Variants in STXBP5 observed in about 807,000 individuals in gnomAD.
The protein encoded by STXBP5 is syntaxin-binding protein 5.
Under a neutral mutation model 152.4 loss-of-function variants are expected in STXBP5, and 50 were observed. The ratio of observed to expected loss-of-function variants is 0.33; its 90% CI spans 0.26 to 0.42. The LOEUF is 0.42. STXBP5 is among the 10% of genes least tolerant of loss of function. STXBP5 has a pLI of 1.00. For synonymous variants in STXBP5, 492 were observed against 494.7 expected, an observed-to-expected ratio of 0.99 and a Z score of 0.07; for missense variants, 1,167 against 1,388.6, an observed-to-expected ratio of 0.84 and a Z score of 2.54.
At chr6:147,280,078 T>TA (rs1582883671) in intron 8 of STXBP5, among the ~76,000 whole-genome samples, 1 of 151,910 alleles carries the variant, frequency 6.6e-6, no homozygotes, top group East Asian at 1.9e-4. Flanking sequence ...TTTTTTTTTT[T>TA]AATAAGGACA....
intron 18 of STXBP5, among the ~76,000 whole-genome samples, chr6:147,328,333 C>G (rs934782443): frequency 6.6e-6 from 1 of 152,204 alleles, no homozygotes; most frequent in Non-Finnish European, 1.5e-5. Context: ...TTGAGGCATA[C>G]TTAACTCATT....
chr6:147,291,381 T>A (rs1231740684), intron 9 of STXBP5, among the ~76,000 whole-genome samples: 1 of 152,180 alleles, frequency 6.6e-6, no homozygotes, highest in African/African-American at 2.4e-5. Context: ...GTTTTACACA[T>A]TATCTTGGAA....
chr6:147,204,796 T>TAATAAC lies in STXBP5; in HGVS notation c.150+115_150+120dup. ...GGGAAGAGAACGCCAATAATAATAA[T>TAATAAC]AATAACTCTAATAAAAGGCTCGCTC... is the stretch of plus-strand genomic sequence containing the variant. On this transcript the variant is annotated intron_variant, in intron 1 of 27. Transcript: ENST00000321680. This position sits in a 1 kb window ranked among gnomAD's most constrained non-coding sequence, Gnocchi z 4.3. 1 of 1,162,512 alleles carries TAATAAC rather than the reference T, an allele frequency of 8.6e-7. No homozygotes were observed. The highest frequency in any genetic ancestry group is 1.2e-6 in the Non-Finnish European group (1 of 857,510). The allele number at this position is 1,162,512 out of a possible 1,614,324, so 72.0% of individuals were successfully genotyped here.
At position 147,283,107 on chromosome 6, in the gene STXBP5, C is replaced by G. The variant is rs182881325; in HGVS notation, c.838+4903C>G. Among the ~76,000 whole-genome samples the G allele has an allele frequency of 9.3e-4, 142 of 152,222 alleles. 1 individual carries two copies. Among genetic ancestry groups the G allele is most frequent in the African/African-American group, 3.4e-3 (141 of 41,526 alleles). On this transcript the variant is annotated intron_variant, in intron 8 of 27. Transcript: ENST00000321680. The stretch of plus-strand genomic sequence containing the variant: ...CAAGCTTGTGCTAGACAGTCAAAAC[C>G]CATAGATTTTTATTATAGGAAATGA...
intron 19 of STXBP5, among the ~76,000 whole-genome samples, chr6:147,336,657 G>A (rs1055788653): frequency 6.6e-6 from 1 of 151,942 alleles, no homozygotes; most frequent in Non-Finnish European, 1.5e-5. Flanking sequence ...GTTGAGTGAT[G>A]CATTATAGAT....
chr6:147,215,033 A>G (rs903286323), intron 2 of STXBP5, among the ~76,000 whole-genome samples: 2 of 152,208 alleles, frequency 1.3e-5, no homozygotes, highest in Non-Finnish European at 2.9e-5. Context: ...TTTCCTGTAA[A>G]AGACCAGATA....
At chr6:147,214,445 T>TG (rs1203632216) in intron 2 of STXBP5, among the ~76,000 whole-genome samples, 5 of 152,196 alleles carry the variant, frequency 3.3e-5, no homozygotes, top group Admixed American at 6.5e-5. Context: ...GTAAGAATTG[T>TG]TGACATAGTT....
chr6:147,327,847 A>G (rs757162254), intron 18 of STXBP5, among the ~76,000 whole-genome samples: 1 of 152,204 alleles, frequency 6.6e-6, no homozygotes, highest in Non-Finnish European at 1.5e-5. Flanking sequence ...TATAATTATT[A>G]TATAAAAAAA....
chr6:147,367,373 T>C (rs1785336884), intron 25 of STXBP5, among the ~76,000 whole-genome samples: 1 of 152,110 alleles, frequency 6.6e-6, no homozygotes, highest in Non-Finnish European at 1.5e-5. Context: ...GCGTGGTGGC[T>C]CACGCCTGTA....
chr6:147,207,627 T>A (rs1352789391), intron 2 of STXBP5, among the ~76,000 whole-genome samples: 1 of 152,202 alleles, frequency 6.6e-6, no homozygotes, highest in East Asian at 1.9e-4. Context: ...GTGACGAGAC[T>A]AGTACAGCGT....
chr6:147,281,112 A>C lies in STXBP5; in HGVS notation c.838+2908A>C, dbSNP rs867958930. On this transcript the variant is annotated intron_variant, in intron 8 of 27. Transcript: ENST00000321680. Reference sequence around the variant, plus strand: ...TGAATTCATGGCAAAGCTGGAGTACAATGGCGCGATGTTGGCACACTGCAA... The same window carrying C: ...TGAATTCATGGCAAAGCTGGAGTACCATGGCGCGATGTTGGCACACTGCAA... 9.8e-5 allele frequency among the ~76,000 whole-genome samples: 15 copies of C among 152,328 alleles called. 1 individual carries two copies. The highest frequency in any genetic ancestry group is 6.2e-4 in the South Asian group (3 of 4,826).
intron 26 of STXBP5, among the ~76,000 whole-genome samples, chr6:147,377,721 C>G (rs999869409): frequency 2.0e-5 from 3 of 152,068 alleles, no homozygotes; most frequent in African/African-American, 7.2e-5. Context: ...CCCTTTTTAC[C>G]TCCCAAAGGC....
At chr6:147,297,476 A>G (rs964005198) in intron 9 of STXBP5, among the ~76,000 whole-genome samples, 1 of 152,192 alleles carries the variant, frequency 6.6e-6, no homozygotes, top group Non-Finnish European at 1.5e-5. Context: ...GCAAGAAGTG[A>G]AAAGCAGGTA....
intron 10 of STXBP5, among the ~76,000 whole-genome samples, chr6:147,310,829 C>T (rs1050472252): frequency 1.3e-5 from 2 of 152,048 alleles, no homozygotes; most frequent in Non-Finnish European, 2.9e-5. Flanking sequence ...GACTCAGAAT[C>T]TACTGATTTA....
At position 147,239,694 on chromosome 6, in the gene STXBP5, T is replaced by G. The variant is rs114139552; in HGVS notation, c.431+424T>G. ...TGTTCTATATAAGTGCCATAATTTA[T>G]TCAGCCATTCCTCATCAGTGGACAC... On this transcript the variant is annotated intron_variant, in intron 4 of 27. Coordinates refer to ENST00000321680, the MANE Select transcript of STXBP5 (RefSeq NM_001127715.4). Among the ~76,000 whole-genome samples the G allele has an allele frequency of 8.3e-3, 1,260 of 152,350 alleles. 24 individuals are homozygous for G. The highest frequency in any genetic ancestry group is 0.029 in the African/African-American group (1,207 of 41,570).
chr6:147,381,376 AC>A (rs1252570357), intron 26 of STXBP5, among the ~76,000 whole-genome samples: 1 of 152,196 alleles, frequency 6.6e-6, no homozygotes. Context: ...AAAAAGATTC[AC>A]AATAACAAAT....
At chr6:147,256,573 A>G (rs918146968) in intron 4 of STXBP5, among the ~76,000 whole-genome samples, 2 of 152,180 alleles carry the variant, frequency 1.3e-5, no homozygotes, top group African/African-American at 2.4e-5. Flanking sequence ...GGTAGAAGGG[A>G]GGAAGCTATT....
chr6:147,248,257 G>A (rs963506182), intron 4 of STXBP5, among the ~76,000 whole-genome samples: 22 of 150,568 alleles, frequency 1.5e-4, no homozygotes, highest in Admixed American at 1.5e-3. Flanking sequence ...CTCCAAACTG[G>A]GCGGCAAAGT....
Position 147,279,443 on chromosome 6 carries a change from A to T in STXBP5, c.838+1239A>T, listed in dbSNP as rs191916998. Among the ~76,000 whole-genome samples, 1,403 of 152,232 alleles carry T rather than the reference A, an allele frequency of 9.2e-3. 23 individuals carry two copies. The highest frequency in any genetic ancestry group is 0.032 in the African/African-American group (1,316 of 41,524). On this transcript the variant is annotated intron_variant, in intron 8 of 27. Transcript: ENST00000321680. ...TTTAAAATTTGAATACCTACTTTTTAAAAAAGCTGACATATTTTGACTTAC... is the reference window on the plus strand; with the variant it reads ...TTTAAAATTTGAATACCTACTTTTTTAAAAAGCTGACATATTTTGACTTAC...
Sources: gnomAD v4.1 joint callset for allele counts (sites outside exome capture counted in the v4.1 genomes callset) on GRCh38, gnomAD v4.1.1 for gene constraint, Gnocchi (gnomAD v3.1) non-coding constraint, MANE v1.5 for transcripts, NCBI Gene and HGNC (gene_info 2026-07-23, HGNC 2026-07-21) for gene names.